The following ADARB1 variants were observed in gnomAD, a reference collection of about 807,000 sequenced individuals.
ADARB1 encodes double-stranded RNA-specific editase 1.
A neutral mutation model predicts 52.4 loss-of-function variants in ADARB1; 10 were observed. The observed-to-expected ratio is 0.19, with a 90% CI of 0.12 to 0.32. ADARB1 has a LOEUF of 0.32. Among genes scored for constraint, ADARB1 ranks in the 10% least tolerant of loss-of-function variants. The probability of loss-of-function intolerance (pLI) is 1.00; values close to 1 mark genes in which losing one functional copy is unlikely to be tolerated. For missense variants in ADARB1, 643 were observed against 922.3 expected, an observed-to-expected ratio of 0.70 and a Z score of 3.92; for synonymous variants, 349 against 371.1, an observed-to-expected ratio of 0.94 and a Z score of 0.68.
chr21:45,205,812 C>T (rs1269163277), intron 9 of ADARB1, among the ~76,000 whole-genome samples: 2 of 152,072 alleles, frequency 1.3e-5, no homozygotes, highest in Non-Finnish European at 2.9e-5. Flanking sequence ...AAAACTAAAA[C>T]CATAATCCTA....
chr21:45,083,681 T>G (rs1032963380), intron 1 of ADARB1, among the ~76,000 whole-genome samples: 4 of 152,220 alleles, frequency 2.6e-5, no homozygotes, highest in African/African-American at 7.2e-5. Flanking sequence ...CTGTGGAGGC[T>G]TAAAGGAATT....
At chr21:45,075,182 C>A (rs1320036449) in intron 1 of ADARB1, among the ~76,000 whole-genome samples, 2 of 149,074 alleles carry the variant, frequency 1.3e-5, no homozygotes, top group Non-Finnish European at 3.0e-5. Flanking sequence ...GGAGGCTGCG[C>A]TGGGGACGAG....
intron 2 of ADARB1, among the ~76,000 whole-genome samples, chr21:45,150,844 C>T (rs575104864): frequency 2.9e-4 from 44 of 152,366 alleles, no homozygotes; most frequent in African/African-American, 1.0e-3. Flanking sequence ...CAGGTTATTC[C>T]TGCCTGACCG....
Position 45,222,952 on chromosome 21 carries a change from T to C in ADARB1, c.*755T>C. 9 of 985,464 alleles carry C rather than the reference T, an allele frequency of 9.1e-6. No individual in the cohort carries two copies. Among genetic ancestry groups the C allele is most frequent in the Non-Finnish European group, 9.6e-6 (8 of 829,942 alleles). The allele number at this position is 985,464 out of a possible 1,614,324, so 61.0% of individuals were successfully genotyped here. The stretch of plus-strand genomic sequence containing the variant: ...AGAAGCTTCTGTACTCCTTGTAGGA[T>C]CAGATCATGGAAAACTTTTCTCAGT... On this transcript the variant is annotated 3_prime_UTR_variant, in exon 11 of 11. Coordinates refer to ENST00000348831, the MANE Select transcript of ADARB1 (RefSeq NM_001112.4).
At chr21:45,178,895 C>T (rs2091814084) in intron 4 of ADARB1, among the ~76,000 whole-genome samples, 1 of 152,160 alleles carries the variant, frequency 6.6e-6, no homozygotes, top group Admixed American at 6.5e-5. Context: ...CAAGCATCAG[C>T]CCCAGCACCA....
intron 1 of ADARB1, among the ~76,000 whole-genome samples, chr21:45,101,561 A>G (rs922613501): frequency 1.3e-5 from 2 of 152,250 alleles, no homozygotes; most frequent in African/African-American, 4.8e-5. Context: ...GCTAGCGTTT[A>G]ACATTTACCT....
Position 45,122,285 on chromosome 21 carries a change from G to A in ADARB1, c.-219-6117G>A, listed in dbSNP as rs188641710. ...CACTTTAAAAGGAAACAGTTGCTTC[G>A]TTTAATCAATATGATTATTACTGGC... On this transcript the variant is annotated intron_variant, in intron 1 of 10. Coordinates refer to ENST00000348831, the MANE Select transcript of ADARB1 (RefSeq NM_001112.4). Among the ~76,000 whole-genome samples the A allele has an allele frequency of 7.9e-5, 12 of 152,244 alleles. No homozygotes were observed. The East Asian group carries it at 1.7e-3, about 22-fold the overall frequency.
chr21:45,119,972 C>T (rs942510161), intron 1 of ADARB1, among the ~76,000 whole-genome samples: 9 of 152,234 alleles, frequency 5.9e-5, no homozygotes, highest in Non-Finnish European at 1.0e-4. Context: ...TTTGTGGCCC[C>T]CACGTGGGCG....
chr21:45,092,709 T>G (rs950813800), intron 1 of ADARB1, among the ~76,000 whole-genome samples: 2 of 152,196 alleles, frequency 1.3e-5, no homozygotes, highest in African/African-American at 4.8e-5. Context: ...CTGTAAATTT[T>G]GAAGTAATGA....
chr21:45,204,054 G>A lies in ADARB1; in HGVS notation c.1566-501G>A, dbSNP rs1338081959. Among the ~76,000 whole-genome samples the A allele has an allele frequency of 2.6e-5, 4 of 152,154 alleles. No homozygotes were observed. The highest frequency in any genetic ancestry group is 4.4e-5 in the Non-Finnish European group (3 of 68,030). ...CCAAGGCGACTGCTAATGGGCCAGC[G>A]GCATCTGCAACGTGGATGGTTCACA... On this transcript the variant is annotated intron_variant, in intron 8 of 10. Transcript: ENST00000348831. This position sits in a 1 kb window ranked among gnomAD's most constrained non-coding sequence, Gnocchi z 4.4.
chr21:45,203,479 C>T (rs1167647938), intron 8 of ADARB1, among the ~76,000 whole-genome samples: 3 of 152,258 alleles, frequency 2.0e-5, no homozygotes, highest in East Asian at 3.8e-4. Flanking sequence ...GTACTTCACA[C>T]CCTGTGTATG....
chr21:45,203,143 C>T (rs1326729181), intron 8 of ADARB1, among the ~76,000 whole-genome samples: 1 of 152,226 alleles, frequency 6.6e-6, no homozygotes, highest in Non-Finnish European at 1.5e-5. Context: ...CCTCTCTCTG[C>T]CATCTGAATA....
At chr21:45,139,933 C>CTTTTTTTT (rs200847132) in intron 2 of ADARB1, among the ~76,000 whole-genome samples, 1 of 84,936 alleles carries the variant, frequency 1.2e-5, no homozygotes, top group Non-Finnish European at 2.3e-5. Context: ...CAATAAAACT[C>CTTTTTTTT]TTTTTTTTTT....
intron 1 of ADARB1, among the ~76,000 whole-genome samples, chr21:45,122,952 G>T (rs2088291520): frequency 6.6e-6 from 1 of 152,186 alleles, no homozygotes; most frequent in Non-Finnish European, 1.5e-5. Context: ...CAGACAGCTG[G>T]TTGCAGTGGT....
chr21:45,136,666 C>A (rs1043747168), intron 2 of ADARB1, among the ~76,000 whole-genome samples: 1 of 152,248 alleles, frequency 6.6e-6, no homozygotes, highest in African/African-American at 2.4e-5. Flanking sequence ...AGAGCTGCCC[C>A]ACCAGCCAGC....
At chr21:45,174,659 C>T (rs569822822) in intron 3 of ADARB1, among the ~76,000 whole-genome samples, 14 of 151,852 alleles carry the variant, frequency 9.2e-5, no homozygotes, top group African/African-American at 2.9e-4. Context: ...GCCGAGATCG[C>T]GCCACTGCAC....
intron 2 of ADARB1, among the ~76,000 whole-genome samples, chr21:45,161,255 C>T (rs1488392981): frequency 6.6e-6 from 1 of 152,212 alleles, no homozygotes; most frequent in Admixed American, 6.5e-5. Context: ...GGAGCCCTGC[C>T]ATCCTGGGCA....
chr21:45,150,361 TAAC>T (rs763057693), intron 2 of ADARB1, among the ~76,000 whole-genome samples: 8 of 152,182 alleles, frequency 5.3e-5, no homozygotes, highest in African/African-American at 9.7e-5. Context: ...TTTAAGGAAA[TAAC>T]AAAGCAAAAA....
At chr21:45,108,075 T>G (rs1038648586) in intron 1 of ADARB1, among the ~76,000 whole-genome samples, 2 of 152,096 alleles carry the variant, frequency 1.3e-5, no homozygotes, top group African/African-American at 2.4e-5. Context: ...GTAACAACTT[T>G]GCCTGACCAA....
Sources: allele counts gnomAD v4.1 joint callset (sites outside exome capture counted in the v4.1 genomes callset), GRCh38; gene constraint gnomAD v4.1.1; non-coding constraint Gnocchi (gnomAD v3.1); transcripts MANE v1.5; gene names NCBI Gene and HGNC (gene_info 2026-07-23, HGNC 2026-07-21).